The following ADAMTS19 variants were observed in gnomAD, a reference collection of about 807,000 sequenced individuals.
The protein encoded by ADAMTS19 is A disintegrin and metalloproteinase with thrombospondin motifs 19.
A neutral mutation model predicts 153.3 loss-of-function variants in ADAMTS19; 93 were observed. The observed-to-expected ratio is 0.61, with a 90% CI of 0.51 to 0.72. ADAMTS19 has a LOEUF of 0.72. Ranked by LOEUF, ADAMTS19 falls within the 30% of genes least tolerant of loss-of-function variation. The pLI is 0.00. For synonymous variants in ADAMTS19, 600 were observed against 556.6 expected (o/e 1.08, Z -1.10); for missense variants, 1,482 against 1,552.1 (o/e 0.95, Z 0.76).
At chr5:129,531,035 T>C (rs1021109126) in intron 6 of ADAMTS19, among the ~76,000 whole-genome samples, 3 of 152,240 alleles carry the variant, frequency 2.0e-5, no homozygotes, top group South Asian at 2.1e-4. Context: ...AAAAAACTTA[T>C]AGTGACTTCC....
In ADAMTS19 at chr5:129,687,666, G is replaced by A. The variant is rs143908603; in HGVS notation, c.2818+3393G>A. On this transcript the variant is annotated intron_variant, in intron 18 of 22. Coordinates refer to ENST00000274487, the MANE Select transcript of ADAMTS19 (RefSeq NM_133638.6). ...GCTTAGAGGTTAAGTGACTTCCCAA[G>A]GTTGCATGGCCCATTTGGGTAGAGC... Among the ~76,000 whole-genome samples, 320 of 152,232 alleles carry A rather than the reference G, an allele frequency of 2.1e-3. 1 individual carries two copies. The highest frequency in any genetic ancestry group is 7.4e-3 in the African/African-American group (309 of 41,544).
At chr5:129,574,671 C>G (rs1754038147) in intron 7 of ADAMTS19, among the ~76,000 whole-genome samples, 1 of 151,816 alleles carries the variant, frequency 6.6e-6, no homozygotes, top group African/African-American at 2.4e-5. Context: ...TTTATTGAGG[C>G]AAAATTAATT....
At chr5:129,474,875 T>C (rs1750175898) in intron 2 of ADAMTS19, among the ~76,000 whole-genome samples, 1 of 152,206 alleles carries the variant, frequency 6.6e-6, no homozygotes, top group Non-Finnish European at 1.5e-5. Context: ...TCATAGCCAT[T>C]GTAATATTTG....
At chr5:129,481,246 A>G (rs938405453) in intron 2 of ADAMTS19, among the ~76,000 whole-genome samples, 3 of 152,186 alleles carry the variant, frequency 2.0e-5, no homozygotes, top group African/African-American at 7.2e-5. Context: ...GGCAGGAGAG[A>G]GAGACAGAGA....
rs1388788257 is a variant in ADAMTS19 at position 129,461,191 on chromosome 5, G to T, written c.181G>T (p.Gly61Trp). The change falls in exon 2 of 23, where the codon GGG becomes TGG. Residue 61 changes from glycine (G) to tryptophan (W), a missense_variant. Gly to Trp is a radical substitution (Grantham distance 184). Around this residue, in one of 2 missense-constraint regions of ADAMTS19, gnomAD observed 866 missense variants for 827.7 expected, o/e 1.05. Coordinates refer to ENST00000274487, the MANE Select transcript of ADAMTS19 (RefSeq NM_133638.6). This position sits in a 1 kb window ranked among gnomAD's most constrained non-coding sequence, Gnocchi z 4.6. ...REPVDPAGGS[G>W]GSADPGWVRG... ...GCCGGTGGACCCGGCTGGCGGCAGC[G>T]GGGGCAGCGCGGACCCGGGCTGGGT... 24 of 1,354,394 alleles carry T rather than the reference G, an allele frequency of 1.8e-5. No individual in the cohort carries two copies. Among genetic ancestry groups the T allele is most frequent in the Non-Finnish European group, 2.2e-5 (23 of 1,052,620 alleles). 83.9% of individuals were successfully genotyped at this position (1,354,394 alleles called of 1,614,324 possible). A position where few individuals can be genotyped will look rare whatever the true frequency, so the allele number is the denominator to read the frequency against.
chr5:129,529,441 ATC>A (rs1314514330), intron 6 of ADAMTS19, among the ~76,000 whole-genome samples: 1 of 152,114 alleles, frequency 6.6e-6, no homozygotes, highest in African/African-American at 2.4e-5. Context: ...AGGTTGAAAA[ATC>A]TCTATGCAGG....
intron 21 of ADAMTS19, among the ~76,000 whole-genome samples, chr5:129,712,441 C>G (rs1193535185): frequency 6.6e-6 from 1 of 152,128 alleles, no homozygotes; most frequent in African/African-American, 2.4e-5. Flanking sequence ...GAAAGACTTT[C>G]CATTTTGTTG....
At chr5:129,680,040 T>C in intron 17 of ADAMTS19, 119 bp downstream of exon 17, 1 of 1,152,978 alleles carries the variant, frequency 8.7e-7, no homozygotes, top group South Asian at 2.0e-5. Flanking sequence ...TTAAAATTAT[T>C]TAAAAAGTGG....
At chr5:129,480,008 C>T (rs1483968225) in intron 2 of ADAMTS19, among the ~76,000 whole-genome samples, 1 of 152,028 alleles carries the variant, frequency 6.6e-6, no homozygotes, top group Non-Finnish European at 1.5e-5. Flanking sequence ...CAAAACAATT[C>T]CGACAAGAAC....
At chr5:129,513,664 A>G (rs1751507761) in intron 3 of ADAMTS19, among the ~76,000 whole-genome samples, 4 of 151,990 alleles carry the variant, frequency 2.6e-5, no homozygotes, top group Admixed American at 2.6e-4. Context: ...TTGTGGGTAC[A>G]TAGTAGGTGT....
rs779343132 is a variant in ADAMTS19 at position 129,737,123 on chromosome 5, C to T, written c.3547C>T (p.Arg1183Cys). 2.4e-5 allele frequency: 38 copies of T among 1,610,784 alleles called. No homozygotes were observed. The Admixed American group carries it at 3.7e-4, about 16-fold the overall frequency. Residue 1183 changes from arginine (R) to cysteine (C), a missense_variant, in exon 23 of 23, where the codon CGT becomes TGT. Physicochemically the swap from Arg to Cys is radical, Grantham distance 180. Transcript: ENST00000274487. The part of the protein sequence containing the change: ...DQWPVYCRVI[R>C]EKNLCQDMRW... ...GTGGCCAGTGTACTGCCGAGTGATA[C>T]GTGAAAAGAACCTATGTCAGGACAT...
rs1197345938 is a variant in ADAMTS19 at position 129,628,273 on chromosome 5, AG to A, written c.1770+5928del. ...TAATAAGAACTCATGAACACAAAGA[AG>A]GGAACAATAGACACTGGGGCCTACT... On this transcript the variant is annotated intron_variant, in intron 10 of 22. Transcript: ENST00000274487. 2.0e-5 allele frequency among the ~76,000 whole-genome samples: 3 copies of A among 151,992 alleles called. No homozygotes were observed. In the East Asian group the frequency reaches 5.8e-4, roughly 29 times the overall value.
intron 6 of ADAMTS19, among the ~76,000 whole-genome samples, chr5:129,544,775 G>A (rs949742512): frequency 3.3e-5 from 5 of 152,150 alleles, no homozygotes; most frequent in South Asian, 4.1e-4. Flanking sequence ...AGAATTTGCA[G>A]ATACTTAGAT....
At chr5:129,597,163 T>C (rs183339003) in intron 8 of ADAMTS19, among the ~76,000 whole-genome samples, 18 of 152,286 alleles carry the variant, frequency 1.2e-4, no homozygotes, top group Admixed American at 7.2e-4. Flanking sequence ...TCAGGAACAG[T>C]TATAAACATT....
chr5:129,477,389 A>C (rs544508751), intron 2 of ADAMTS19, among the ~76,000 whole-genome samples: 1 of 152,144 alleles, frequency 6.6e-6, no homozygotes, highest in Non-Finnish European at 1.5e-5. Context: ...GCCCCAAGAG[A>C]TTACACAATT....
At chr5:129,620,565 C>A (rs1046208217) in intron 8 of ADAMTS19, 53 bp from the exon 9 acceptor site, 1 of 1,297,408 alleles carries the variant, frequency 7.7e-7, no homozygotes, top group Middle Eastern at 2.0e-4. Context: ...AAAAAGTTAA[C>A]AAGTAACATT....
Position 129,596,587 on chromosome 5 carries a change from T to C in ADAMTS19, c.1401T>C (p.Ser467=). ...VGIAYLSGMC[S]EKRKCIIAED... ...TAGCTTACTTGAGTGGAATGTGTAG[T>C]GAAAAGAGAAAATGTATTATTGCTG... The change falls in exon 8 of 23, where the codon AGT becomes AGC. Residue 467 remains serine, a synonymous_variant. Coordinates refer to ENST00000274487, the MANE Select transcript of ADAMTS19 (RefSeq NM_133638.6). 1 of 1,608,290 alleles carries C rather than the reference T, an allele frequency of 6.2e-7. No homozygotes were observed. The highest frequency in any genetic ancestry group is 1.1e-5 in the South Asian group (1 of 90,012).
chr5:129,539,166 C>T (rs1378231440), intron 6 of ADAMTS19, among the ~76,000 whole-genome samples: 1 of 152,070 alleles, frequency 6.6e-6, no homozygotes, highest in Non-Finnish European at 1.5e-5. Context: ...AGTGAATATG[C>T]CATCTTACAT....
At chr5:129,522,332 C>CATATATATAT (rs1209637522) in intron 3 of ADAMTS19, among the ~76,000 whole-genome samples, 1,905 of 58,436 alleles carry the variant, frequency 0.033, 88 homozygotes, top group East Asian at 0.087. Flanking sequence ...CACACACACA[C>CATATATATAT]ATATATATAT....
Sources: allele counts gnomAD v4.1 joint callset (sites outside exome capture counted in the v4.1 genomes callset), GRCh38; gene constraint gnomAD v4.1.1; regional missense constraint gnomAD v4.1.1; non-coding constraint Gnocchi (gnomAD v3.1); transcripts MANE v1.5; gene names NCBI Gene and HGNC (gene_info 2026-07-23, HGNC 2026-07-21).